Variants in TG observed in about 807,000 individuals in gnomAD.
TG encodes the protein thyroglobulin, also known as thyroid hormones.
A neutral mutation model predicts 324.7 loss-of-function variants in TG; 270 were observed. The observed-to-expected ratio is 0.83, with a 90% CI of 0.75 to 0.92. The LOEUF is 0.92. Among genes scored for constraint, TG ranks in the 40% least tolerant of loss-of-function variants. The pLI is 0.00. For synonymous variants in TG, 1,401 were observed against 1,327.0 expected (o/e 1.06, Z -1.21); for missense variants, 3,591 against 3,456.4 (o/e 1.04, Z -0.98).
rs1449329123 is a variant in TG at position 133,123,764 on chromosome 8, A to G, written c.7862+7048A>G. On this transcript the variant is annotated intron_variant, in intron 45 of 47. Transcript: ENST00000220616. The stretch of plus-strand genomic sequence containing the variant: ...GTGCTCTGGGCCCCAGCAAGTGTAG[A>G]AGAGAGCACCGGTTTGTTCTCTGCT... Among the ~76,000 whole-genome samples, 3 of 152,186 alleles carry G rather than the reference A, an allele frequency of 2.0e-5. No homozygotes were observed. The East Asian group carries it at 5.8e-4, about 29-fold the overall frequency.
chr8:133,061,602 A>C (rs1011702484), intron 41 of TG, among the ~76,000 whole-genome samples: 2 of 152,246 alleles, frequency 1.3e-5, no homozygotes, highest in African/African-American at 4.8e-5. Context: ...ATTCATAAAT[A>C]GAGCTCTGCC....
In TG at chr8:132,908,360, C is replaced by A. The variant is rs776820360; in HGVS notation, c.4002+20C>A. 2 of 1,519,788 alleles carry A rather than the reference C, an allele frequency of 1.3e-6. No homozygotes were observed. The highest frequency in any genetic ancestry group is 4.1e-5 in the Admixed American group (2 of 48,784). The allele number at this position is 1,519,788 out of a possible 1,614,324, so 94.1% of individuals were successfully genotyped here. A position where few individuals can be genotyped will look rare whatever the true frequency, so the allele number is the denominator to read the frequency against. ...ATCCAGGTACATGCCTGGCCTTCCC[C>A]ACAGTGAGGGCTTGGACTCAACTCA... On this transcript the variant is annotated intron_variant, in intron 18 of 47. Transcript: ENST00000220616.
chr8:133,113,959 C>T (rs1029344921), intron 44 of TG, among the ~76,000 whole-genome samples: 1 of 152,240 alleles, frequency 6.6e-6, no homozygotes, highest in African/African-American at 2.4e-5. Flanking sequence ...TCAGGACAAC[C>T]TTCCACGCTC....
intron 22 of TG, among the ~76,000 whole-genome samples, chr8:132,926,615 G>A (rs1420977498): frequency 6.6e-6 from 1 of 152,148 alleles, no homozygotes; most frequent in Admixed American, 6.5e-5. Context: ...AGGTCTTCAG[G>A]GAAGGAGATT....
At chr8:133,067,413 A>G (rs1422358043) in intron 41 of TG, among the ~76,000 whole-genome samples, 4 of 152,204 alleles carry the variant, frequency 2.6e-5, no homozygotes, top group African/African-American at 9.7e-5. Context: ...CAGAGAGGAC[A>G]TGCAACTCCT....
At chr8:132,900,944 C>T (rs1344716301) in intron 15 of TG, among the ~76,000 whole-genome samples, 2 of 152,216 alleles carry the variant, frequency 1.3e-5, no homozygotes, top group South Asian at 2.1e-4. Flanking sequence ...GTGCCACCTG[C>T]AATATGTCCG....
intron 41 of TG, chr8:133,050,908 A>G: frequency 6.2e-7 from 1 of 1,611,228 alleles, no homozygotes; most frequent in Non-Finnish European, 8.5e-7. Context: ...GGAAGTCGCT[A>G]TCCAGTCCTG....
chr8:132,960,453 C>G (rs527654935), intron 27 of TG, among the ~76,000 whole-genome samples: 5 of 152,212 alleles, frequency 3.3e-5, no homozygotes, highest in African/African-American at 1.2e-4. Context: ...TGTGGCAAGC[C>G]TAGTGTCATC....
In TG at chr8:132,950,211, C is replaced by T. The variant is rs189736232; in HGVS notation, c.5401+1268C>T. On this transcript the variant is annotated intron_variant, in intron 27 of 47. Coordinates refer to ENST00000220616, the MANE Select transcript of TG (RefSeq NM_003235.5). ...AGTGAGGTTGAGGGGAAGCCCTGCT[C>T]CTCGTTGTCTATTTATCTGCCAGAA... Among the ~76,000 whole-genome samples, 109 of 152,332 alleles carry T rather than the reference C, an allele frequency of 7.2e-4. 1 individual carries two copies. Among genetic ancestry groups the T allele is most frequent in the Non-Finnish European group, 7.4e-5 (5 of 68,022 alleles).
At chr8:132,956,328 T>A (rs1826857400) in intron 27 of TG, among the ~76,000 whole-genome samples, 1 of 152,148 alleles carries the variant, frequency 6.6e-6, no homozygotes, top group Non-Finnish European at 1.5e-5. Context: ...CCAAGAATTG[T>A]GCTGGGGGAG....
At chr8:132,907,026 T>C (rs909841673) in intron 17 of TG, 126 bp downstream of exon 17, 4 of 1,017,866 alleles carry the variant, frequency 3.9e-6, no homozygotes, top group African/African-American at 1.6e-5. Flanking sequence ...GTATGCCAGA[T>C]GGCACCAAGA....
intron 31 of TG, among the ~76,000 whole-genome samples, chr8:132,968,748 G>A (rs1829016023): frequency 6.6e-6 from 1 of 152,174 alleles, no homozygotes; most frequent in Non-Finnish European, 1.5e-5. Context: ...GTATTTTTAG[G>A]TTCCTCCTTC....
intron 46 of TG, 94 bp from the exon 47 acceptor site, chr8:133,133,376 C>T: frequency 1.6e-6 from 2 of 1,250,004 alleles, no homozygotes; most frequent in Middle Eastern, 1.8e-4. Flanking sequence ...CATGAATTGT[C>T]CCTCAGATAC....
chr8:132,921,808 C>T (rs1821149877), intron 21 of TG, among the ~76,000 whole-genome samples: 1 of 152,196 alleles, frequency 6.6e-6, no homozygotes, highest in South Asian at 2.1e-4. Flanking sequence ...GTATAGCATG[C>T]AGGACATGCA....
chr8:133,020,395 G>A (rs1356867531), intron 39 of TG, among the ~76,000 whole-genome samples: 3 of 152,182 alleles, frequency 2.0e-5, no homozygotes, highest in Non-Finnish European at 2.9e-5. Context: ...TCGTTGAGGC[G>A]GGAGCTGAGG....
intron 45 of TG, among the ~76,000 whole-genome samples, chr8:133,120,803 C>A (rs1204205552): frequency 6.6e-6 from 1 of 152,194 alleles, no homozygotes; most frequent in Admixed American, 6.5e-5. Context: ...AGACACAGTT[C>A]AACCCATAAC....
intron 28 of TG, among the ~76,000 whole-genome samples, chr8:132,962,096 G>A (rs1003962109): frequency 2.6e-5 from 4 of 152,150 alleles, no homozygotes; most frequent in Admixed American, 2.6e-4. Flanking sequence ...AGTAATGTTG[G>A]TGGGGGTGGT....
intron 35 of TG, among the ~76,000 whole-genome samples, chr8:133,000,940 G>T (rs1460095251): frequency 6.6e-6 from 1 of 152,166 alleles, no homozygotes; most frequent in African/African-American, 2.4e-5. Context: ...AGATCAAAGT[G>T]TAGACAAGGT....
At position 132,971,823 on chromosome 8, in the gene TG, C is replaced by G; in HGVS notation, c.6005C>G (p.Ala2002Gly). ...TTTGAATGTGAACGACGGTGCGATG[C>G]GGACCCATGCTGCACTGGCTTTGGA... ...GFFECERRCD[A>G]DPCCTGFGFL... The change falls in exon 33 of 48, where the codon GCG (alanine) becomes GGG (glycine). Residue 2002 changes from alanine (A) to glycine (G), a missense_variant. Coordinates refer to ENST00000220616, the MANE Select transcript of TG (RefSeq NM_003235.5). The G allele has an allele frequency of 6.2e-7, 1 of 1,613,572 alleles. No homozygotes were observed. Among genetic ancestry groups the G allele is most frequent in the Non-Finnish European group, 8.5e-7 (1 of 1,179,498 alleles).
Sources: allele counts gnomAD v4.1 joint callset (sites outside exome capture counted in the v4.1 genomes callset), GRCh38; gene constraint gnomAD v4.1.1; transcripts MANE v1.5; gene names NCBI Gene and HGNC (gene_info 2026-07-23, HGNC 2026-07-21).